DSG3: variants seen among roughly 807,000 people sequenced by gnomAD.
DSG3 encodes desmoglein 3.
In DSG3, 63 loss-of-function variants were observed where a neutral mutation model predicts 85.9. The observed-to-expected ratio is 0.73, with a 90% CI of 0.60 to 0.90. DSG3 has a LOEUF of 0.90. Among genes scored for constraint, DSG3 ranks in the 40% least tolerant of loss-of-function variants. The pLI is 0.00. For synonymous variants in DSG3, 447 were observed against 441.9 expected (o/e 1.01, Z -0.14); for missense variants, 1,220 against 1,219.9 (o/e 1.00, Z 0.00).
intron 12 of DSG3, 87 bp downstream of exon 12, chr18:31,469,436 G>C: frequency 1.3e-6 from 2 of 1,522,382 alleles, no homozygotes; most frequent in Non-Finnish European, 1.8e-6. Context: ...TGTGCAATGG[G>C]GAAAGAATAT....
At chr18:31,450,783 C>A (rs549832897) in intron 1 of DSG3, among the ~76,000 whole-genome samples, 9 of 152,256 alleles carry the variant, frequency 5.9e-5, no homozygotes, top group African/African-American at 1.7e-4. Flanking sequence ...GCAATGCATG[C>A]AAAACAATTA....
chr18:31,471,181 A>C (rs1568091136), intron 12 of DSG3, among the ~76,000 whole-genome samples: 1 of 152,164 alleles, frequency 6.6e-6, no homozygotes, highest in Non-Finnish European at 1.5e-5. Flanking sequence ...TGTGCAGTGC[A>C]TTACAGTGGC....
At chr18:31,475,217 G>A (rs1170397603) in intron 15 of DSG3, among the ~76,000 whole-genome samples, 1 of 152,188 alleles carries the variant, frequency 6.6e-6, no homozygotes, top group East Asian at 1.9e-4. Context: ...CGGTTAGAAT[G>A]GATCTCACAT....
chr18:31,453,764 G>T lies in DSG3; in HGVS notation c.49-2676G>T, dbSNP rs944433261. Among the ~76,000 whole-genome samples the T allele has an allele frequency of 2.2e-4, 34 of 152,002 alleles. 1 individual carries two copies. The highest frequency in any genetic ancestry group is 6.2e-4 in the South Asian group (3 of 4,816). ...TCAAGATAAGGGAGGTTTTCTCCAT[G>T]TTGGTATTTCCAATCCAGGCCACCA... On this transcript the variant is annotated intron_variant, in intron 1 of 15. Transcript: ENST00000257189.
rs2072802154 is a variant in DSG3 at position 31,464,147 on chromosome 18, A to C, written c.1036A>C (p.Ser346Arg). ...TGAACAACTACAAAGCGTGAAACTT[A>C]GTATTGCTGTCAAAAACAAAGCTGA... ...DYEQLQSVKL[S>R]IAVKNKAEFH... The change falls in exon 9 of 16, where the codon AGT becomes CGT. Residue 346 changes from serine to arginine, a missense_variant. Ser to Arg is a moderately radical substitution (Grantham distance 110). Transcript: ENST00000257189. 2 of 1,614,004 alleles carry C rather than the reference A, an allele frequency of 1.2e-6. No homozygotes were observed. The highest frequency in any genetic ancestry group is 4.5e-5 in the East Asian group (2 of 44,886).
Position 31,460,898 on chromosome 18 carries a change from A to T in DSG3, c.750A>T (p.Gln250His). 2 of 1,605,672 alleles carry T rather than the reference A, an allele frequency of 1.2e-6. No individual in the cohort carries two copies. Among genetic ancestry groups the T allele is most frequent in the Non-Finnish European group, 1.7e-6 (2 of 1,177,414 alleles). Residue 250 changes from glutamine (Q) to histidine (H), a missense_variant, in exon 7 of 16, where the codon CAA (glutamine) becomes CAT (histidine). By Grantham distance (24) the Gln-to-His change is conservative. Coordinates refer to ENST00000257189, the MANE Select transcript of DSG3 (RefSeq NM_001944.3). ...ADKDGEGLSTQCECNIKVKDV... is the reference protein window; with the variant it reads ...ADKDGEGLSTHCECNIKVKDV... ...AAGATGGAGAAGGACTATCAACTCA[A>T]TGTGAATGTAATATTAAAGTGAAAG...
At chr18:31,473,469 CAT>C (rs1443943782) in intron 14 of DSG3, among the ~76,000 whole-genome samples, 1 of 152,118 alleles carries the variant, frequency 6.6e-6, no homozygotes, top group Non-Finnish European at 1.5e-5. Flanking sequence ...TGCTTAATTC[CAT>C]AGATTGTTTT....
intron 1 of DSG3, among the ~76,000 whole-genome samples, chr18:31,454,651 A>G (rs1350631185): frequency 6.7e-6 from 1 of 149,992 alleles, no homozygotes; most frequent in Non-Finnish European, 1.5e-5. Context: ...CTGTCATATA[A>G]TTTTCTTTGT....
chr18:31,464,753 A>G (rs1483754120), intron 9 of DSG3, among the ~76,000 whole-genome samples: 1 of 152,190 alleles, frequency 6.6e-6, no homozygotes, highest in African/African-American at 2.4e-5. Context: ...TGCCTAAAAT[A>G]TAACGGCACC....
intron 8 of DSG3, among the ~76,000 whole-genome samples, chr18:31,461,654 G>A (rs2072787245): frequency 6.6e-6 from 1 of 152,294 alleles, no homozygotes; most frequent in East Asian, 1.9e-4. Context: ...AACATGCTAT[G>A]GGAGTGATGA....
chr18:31,456,043 T>C (rs1463358641), intron 1 of DSG3, among the ~76,000 whole-genome samples: 1 of 152,212 alleles, frequency 6.6e-6, no homozygotes, highest in Non-Finnish European at 1.5e-5. Flanking sequence ...CTGTGGCCCC[T>C]TTCTGAAGCA....
In DSG3 at chr18:31,474,505, G is replaced by A. The variant is rs974425704; in HGVS notation, c.2385+101G>A. The A allele has an allele frequency of 5.1e-6, 7 of 1,367,988 alleles. No homozygotes were observed. The African/African-American group carries it at 7.3e-5, about 14-fold the overall frequency. The allele number at this position is 1,367,988 out of a possible 1,614,324, so 84.7% of individuals were successfully genotyped here. A position where few individuals can be genotyped will look rare whatever the true frequency, so the allele number is the denominator to read the frequency against. On this transcript the variant is annotated intron_variant, in intron 15 of 15. Transcript: ENST00000257189. ...GTTTTGCAGTTTTTATTTACAGCTT[G>A]TTAAAATGCAAGAAAAAAATGGTTT...
chr18:31,474,158 G>A lies in DSG3; in HGVS notation c.2139G>A (p.Val713=), dbSNP rs777815055. The A allele has an allele frequency of 2.7e-5, 44 of 1,614,122 alleles. No individual in the cohort carries two copies. The highest frequency in any genetic ancestry group is 3.7e-5 in the Non-Finnish European group (44 of 1,179,956). ...CTNTYARGTA[V]EGTSGMEMTT... ...ATACGTATGCCAGAGGCACAGCGGT[G>A]GAAGGCACTTCAGGAATGGAAATGA... is the stretch of plus-strand genomic sequence containing the variant. Residue 713 remains valine, a synonymous_variant, in exon 15 of 16, where the codon GTG becomes GTA. Transcript: ENST00000257189.
intron 1 of DSG3, among the ~76,000 whole-genome samples, chr18:31,453,919 A>C (rs1475951715): frequency 6.6e-6 from 1 of 152,132 alleles, no homozygotes; most frequent in African/African-American, 2.4e-5. Flanking sequence ...AATTTTGTCA[A>C]TGAAAATAGA....
In DSG3 at chr18:31,461,331, C is replaced by G; in HGVS notation, c.918C>G (p.Phe306Leu). 6.2e-7 allele frequency: 1 copy of G among 1,613,608 alleles called. No homozygotes were observed. Among genetic ancestry groups the G allele is most frequent in the East Asian group, 2.2e-5 (1 of 44,786 alleles). The part of the protein sequence containing the change: ...EYTDNWLAVY[F>L]FTSGNEGNWF... ...CAGATAATTGGCTTGCAGTATATTT[C>G]TTTACCTCTGGGAATGAAGGAAATT... The change falls in exon 8 of 16, where the codon TTC (phenylalanine) becomes TTG (leucine). Residue 306 changes from phenylalanine to leucine, a missense_variant. Coordinates refer to ENST00000257189, the MANE Select transcript of DSG3 (RefSeq NM_001944.3).
chr18:31,460,193 C>G (rs1408490665), intron 6 of DSG3, among the ~76,000 whole-genome samples, 182 bp downstream of exon 6: 2 of 152,120 alleles, frequency 1.3e-5, no homozygotes, highest in African/African-American at 4.8e-5. Flanking sequence ...GAGATGTGTA[C>G]CGGGCACCTG....
At chr18:31,473,654 C>T (rs1421133139) in intron 14 of DSG3, among the ~76,000 whole-genome samples, 2 of 152,160 alleles carry the variant, frequency 1.3e-5, no homozygotes, top group East Asian at 1.9e-4. Flanking sequence ...GTCAAGGTAA[C>T]AGGCTGAATA....
intron 13 of DSG3, 85 bp from the exon 14 acceptor site, chr18:31,472,639 AC>A: frequency 7.1e-7 from 1 of 1,408,344 alleles, no homozygotes; most frequent in Non-Finnish European, 9.9e-7. Flanking sequence ...GTTATCATTT[AC>A]AAATTTGCAA....
At chr18:31,458,698 G>A (rs1485816824) in intron 4 of DSG3, 98 bp downstream of exon 4, 10 of 1,341,020 alleles carry the variant, frequency 7.5e-6, no homozygotes, top group Non-Finnish European at 1.0e-5. Context: ...GGAGAGTTCA[G>A]TACATGCATC....
Sources: allele counts gnomAD v4.1 joint callset (sites outside exome capture counted in the v4.1 genomes callset), GRCh38; gene constraint gnomAD v4.1.1; transcripts MANE v1.5; gene names NCBI Gene and HGNC (gene_info 2026-07-23, HGNC 2026-07-21).